Variants in CA10 observed in about 807,000 individuals in gnomAD.
CA10 encodes carbonic anhydrase 10 (inactive).
Under a neutral mutation model 44.2 loss-of-function variants are expected in CA10, and 14 were observed. The observed-to-expected ratio is 0.32, with a 90% confidence interval of 0.21 to 0.50. The LOEUF (loss-of-function observed/expected upper bound fraction) is 0.50, where lower values mean the gene tolerates loss of function less well. Ranked by LOEUF, CA10 falls within the 20% of genes least tolerant of loss-of-function variation. The pLI is 0.99. For synonymous variants in CA10, 159 were observed against 141.6 expected (o/e 1.12, Z -0.87); for missense variants, 350 against 409.7 (o/e 0.85, Z 1.26).
Position 51,694,660 on chromosome 17 carries a change from C to T in CA10, c.466-40924G>A, listed in dbSNP as rs188766920. Among the ~76,000 whole-genome samples, 9 of 152,066 alleles carry T rather than the reference C, an allele frequency of 5.9e-5. No homozygotes were observed. In the East Asian group the frequency reaches 1.2e-3, roughly 20 times the overall value. On this transcript the variant is annotated intron_variant, in intron 4 of 8. Transcript: ENST00000451037. ...TGTGTAGAAGATCTTTAGTTTAATT[C>T]GGTCCCACTTGTCAATTTTTGTTTT...
intron 3 of CA10, among the ~76,000 whole-genome samples, chr17:51,758,275 G>T (rs1378782484): frequency 6.6e-6 from 1 of 152,148 alleles, no homozygotes; most frequent in Non-Finnish European, 1.5e-5. Flanking sequence ...ATCTGTTTTT[G>T]ATAATATTGA....
intron 1 of CA10, among the ~76,000 whole-genome samples, chr17:52,133,034 A>G (rs1989275894): frequency 6.6e-6 from 1 of 152,176 alleles, no homozygotes; most frequent in Non-Finnish European, 1.5e-5. Context: ...TATGACTCCA[A>G]AGGTAAGGAA....
At chr17:51,861,072 G>T (rs1363710765) in intron 3 of CA10, among the ~76,000 whole-genome samples, 2 of 152,128 alleles carry the variant, frequency 1.3e-5, no homozygotes, top group Non-Finnish European at 2.9e-5. Context: ...TTGCTTTGAG[G>T]TGCTGGGACT....
At chr17:52,040,933 G>T (rs1986751189) in intron 2 of CA10, among the ~76,000 whole-genome samples, 2 of 152,044 alleles carry the variant, frequency 1.3e-5, no homozygotes, top group Admixed American at 6.5e-5. Context: ...AACAATTTCT[G>T]AAGGTCACAA....
chr17:51,818,039 T>C (rs1907631124), intron 3 of CA10, among the ~76,000 whole-genome samples: 1 of 152,220 alleles, frequency 6.6e-6, no homozygotes, highest in East Asian at 1.9e-4. Context: ...GTAGTGTATG[T>C]GTTTGCCAAG....
intron 4 of CA10, among the ~76,000 whole-genome samples, chr17:51,706,890 AT>A (rs1597998423): frequency 1.3e-5 from 2 of 152,174 alleles, no homozygotes; most frequent in East Asian, 3.9e-4. Context: ...CATATGTCAC[AT>A]TCTAGCTGAG....
At chr17:51,892,991 A>C (rs886744083) in intron 3 of CA10, among the ~76,000 whole-genome samples, 16 of 152,160 alleles carry the variant, frequency 1.1e-4, no homozygotes, top group Admixed American at 9.2e-4. Context: ...AGTTAAAAAC[A>C]CTTAAAATTG....
At chr17:51,908,412 AC>A (rs1383599068) in intron 3 of CA10, among the ~76,000 whole-genome samples, 1 of 152,134 alleles carries the variant, frequency 6.6e-6, no homozygotes, top group Non-Finnish European at 1.5e-5. Context: ...CATAATTTTA[AC>A]AAATTTTGAG....
chr17:51,721,829 G>A (rs1465927994), intron 4 of CA10, among the ~76,000 whole-genome samples: 4 of 152,050 alleles, frequency 2.6e-5, no homozygotes, highest in East Asian at 1.9e-4. Flanking sequence ...CATATTCCTC[G>A]CCCCTGCCCT....
intron 4 of CA10, among the ~76,000 whole-genome samples, chr17:51,688,379 T>C (rs1179782236): frequency 6.6e-6 from 1 of 152,234 alleles, no homozygotes; most frequent in Non-Finnish European, 1.5e-5. Context: ...AACTAATACA[T>C]TGATTAATAA....
At chr17:51,713,201 C>T (rs1399549019) in intron 4 of CA10, among the ~76,000 whole-genome samples, 1 of 152,196 alleles carries the variant, frequency 6.6e-6, no homozygotes, top group Non-Finnish European at 1.5e-5. Flanking sequence ...GATGATCTTA[C>T]ACATGCACTG....
intron 4 of CA10, among the ~76,000 whole-genome samples, chr17:51,721,077 C>T (rs1378536305): frequency 1.3e-5 from 2 of 152,124 alleles, no homozygotes; most frequent in Non-Finnish European, 2.9e-5. Flanking sequence ...TGCCTGTAAT[C>T]CCAGCACTTT....
At chr17:51,862,322 A>T (rs1383436566) in intron 3 of CA10, among the ~76,000 whole-genome samples, 7 of 152,184 alleles carry the variant, frequency 4.6e-5, no homozygotes, top group African/African-American at 1.7e-4. Flanking sequence ...GATTCTCAGG[A>T]TTCTTTAGCA....
At chr17:51,806,448 A>G (rs888667792) in intron 3 of CA10, among the ~76,000 whole-genome samples, 3 of 152,200 alleles carry the variant, frequency 2.0e-5, no homozygotes, top group African/African-American at 7.2e-5. Context: ...TAGGCTATCA[A>G]CTCGTTTGGT....
At chr17:52,054,921 A>G (rs1987182980) in intron 2 of CA10, among the ~76,000 whole-genome samples, 3 of 152,150 alleles carry the variant, frequency 2.0e-5, no homozygotes, top group Non-Finnish European at 2.9e-5. Context: ...AGTGACTTGA[A>G]TATTCATTTA....
At chr17:51,841,715 T>G (rs1978320907) in intron 3 of CA10, among the ~76,000 whole-genome samples, 1 of 152,184 alleles carries the variant, frequency 6.6e-6, no homozygotes, top group Admixed American at 6.5e-5. Context: ...TTCAAACCGC[T>G]TTGGCAAAAA....
At chr17:51,665,407 G>C (rs1426160737) in intron 4 of CA10, among the ~76,000 whole-genome samples, 2 of 152,106 alleles carry the variant, frequency 1.3e-5, no homozygotes, top group Non-Finnish European at 2.9e-5. Flanking sequence ...TTAGACCTCA[G>C]GGTCTTTATC....
intron 2 of CA10, among the ~76,000 whole-genome samples, chr17:52,044,212 T>C (rs1230797564): frequency 6.6e-6 from 1 of 152,130 alleles, no homozygotes; most frequent in African/African-American, 2.4e-5. Flanking sequence ...AGGTTTTTGA[T>C]TACTGGTTTC....
chr17:51,875,176 A>G (rs1488379228), intron 3 of CA10, among the ~76,000 whole-genome samples: 1 of 151,976 alleles, frequency 6.6e-6, no homozygotes, highest in Non-Finnish European at 1.5e-5. Context: ...GTCTCCCTAT[A>G]TTTCCCAGGA....
Sources: allele counts gnomAD v4.1 joint callset (sites outside exome capture counted in the v4.1 genomes callset), GRCh38; gene constraint gnomAD v4.1.1; transcripts MANE v1.5; gene names NCBI Gene and HGNC (gene_info 2026-07-23, HGNC 2026-07-21).